Variants in IL10RB observed in about 807,000 individuals in gnomAD.
IL10RB encodes the protein interleukin 10 receptor subunit beta.
IL10RB carries 30 observed loss-of-function variants against 38.7 expected under a neutral mutation model. The ratio of observed to expected loss-of-function variants is 0.78; its 90% CI spans 0.58 to 1.05. The LOEUF (loss-of-function observed/expected upper bound fraction) is 1.05, where lower values mean the gene tolerates loss of function less well. IL10RB is among the 50% of genes least tolerant of loss of function. The probability of loss-of-function intolerance (pLI) is 0.00; values close to 1 mark genes in which losing one functional copy is unlikely to be tolerated. For missense variants in IL10RB, 328 were observed against 397.1 expected (o/e 0.83, Z 1.48); for synonymous variants, 142 against 145.9 (o/e 0.97, Z 0.19).
chr21:33,302,030 G>A (rs2082987214), downstream of IL10RB, among the ~76,000 whole-genome samples: 1 of 152,192 alleles, frequency 6.6e-6, no homozygotes, highest in African/African-American at 2.4e-5. Flanking sequence ...GATTCCATAG[G>A]ATTGTAATTC....
chr21:33,307,160 G>T (rs929050234), intron 1 of IL10RB, among the ~76,000 whole-genome samples: 1 of 152,094 alleles, frequency 6.6e-6, no homozygotes, highest in Non-Finnish European at 1.5e-5. Flanking sequence ...GGAGACAAAC[G>T]TGACTGCATC....
chr21:33,301,240 ACT>A (rs1213985812), downstream of IL10RB, among the ~76,000 whole-genome samples: 1 of 152,146 alleles, frequency 6.6e-6, no homozygotes, highest in Non-Finnish European at 1.5e-5. Context: ...AGACTCAGAG[ACT>A]CAACATGATT....
rs556351777 is a variant in IL10RB at position 33,297,157 on chromosome 21, T to G, written c.*800T>G. On this transcript the variant is annotated 3_prime_UTR_variant, in exon 7 of 7. Coordinates refer to ENST00000290200, the MANE Select transcript of IL10RB (RefSeq NM_000628.5). Reference sequence around the variant, plus strand: ...CTTTGCAGTACTTTGAATTTATTTTTCTACCTATATATGTTTTATATGCTG... The same window carrying G: ...CTTTGCAGTACTTTGAATTTATTTTGCTACCTATATATGTTTTATATGCTG... The G allele has an allele frequency of 1.3e-5, 2 of 154,656 alleles. No homozygotes were observed. The highest frequency in any genetic ancestry group is 3.7e-4 in the East Asian group (2 of 5,346). The allele number at this position is 154,656 out of a possible 1,614,324, so 9.6% of individuals were successfully genotyped here.
At chr21:33,273,243 C>T (rs1254335646) in intron 2 of IL10RB, among the ~76,000 whole-genome samples, 1 of 152,146 alleles carries the variant, frequency 6.6e-6, no homozygotes, top group East Asian at 1.9e-4. Context: ...TGTATACAGG[C>T]ATATCACAGA....
downstream of IL10RB, among the ~76,000 whole-genome samples, chr21:33,299,081 C>T (rs180860595): frequency 3.3e-4 from 50 of 152,264 alleles, no homozygotes; most frequent in African/African-American, 1.1e-3. Context: ...TAAAACCAAC[C>T]GTATCTTGCC....
At chr21:33,286,671 TG>T (rs962936341) in intron 5 of IL10RB, among the ~76,000 whole-genome samples, 2 of 126,298 alleles carry the variant, frequency 1.6e-5, no homozygotes, top group Non-Finnish European at 3.7e-5. Context: ...GCCAAAATAG[TG>T]GGACCCCCAT....
chr21:33,294,874 G>T (rs902262919), intron 6 of IL10RB, among the ~76,000 whole-genome samples: 2 of 152,246 alleles, frequency 1.3e-5, no homozygotes, highest in Non-Finnish European at 2.9e-5. Context: ...GAAATGTATA[G>T]GGGCATCTTC....
chr21:33,281,317 C>T (rs569661619), intron 4 of IL10RB, among the ~76,000 whole-genome samples: 50 of 152,330 alleles, frequency 3.3e-4, no homozygotes, highest in African/African-American at 1.1e-3. Context: ...TGCTCCCCTC[C>T]GGGAGCTAGC....
chr21:33,277,668 CT>C (rs1216043179), intron 3 of IL10RB, among the ~76,000 whole-genome samples: 1,038 of 92,980 alleles, frequency 0.011, 5 homozygotes, highest in African/African-American at 0.037. Context: ...TTCTTTCTTT[CT>C]TTTTTTTTTT....
At chr21:33,298,153 G>A (rs2082975325), downstream of IL10RB, among the ~76,000 whole-genome samples, 1 of 152,098 alleles carries the variant, frequency 6.6e-6, no homozygotes, top group South Asian at 2.1e-4. Flanking sequence ...AAAAATCTAT[G>A]GATTTAAATG....
chr21:33,294,713 A>T (rs1989556818), intron 6 of IL10RB, among the ~76,000 whole-genome samples: 2 of 152,212 alleles, frequency 1.3e-5, no homozygotes, highest in African/African-American at 4.8e-5. Context: ...GGCTGAGTGT[A>T]GAAATGACAT....
chr21:33,272,734 C>T (rs1416960444), intron 2 of IL10RB, among the ~76,000 whole-genome samples: 2 of 152,256 alleles, frequency 1.3e-5, no homozygotes, highest in African/African-American at 4.8e-5. Context: ...GCGTGAGCCA[C>T]TGAGCCGGGC....
At chr21:33,290,411 C>G (rs1293158375) in intron 6 of IL10RB, among the ~76,000 whole-genome samples, 5 of 152,150 alleles carry the variant, frequency 3.3e-5, no homozygotes, top group Admixed American at 6.6e-5. Flanking sequence ...AATCCGAAAG[C>G]CATGTGAAAA....
intron 1 of IL10RB, among the ~76,000 whole-genome samples, chr21:33,305,362 G>A (rs893198677): frequency 3.9e-5 from 6 of 151,906 alleles, no homozygotes; most frequent in Non-Finnish European, 5.9e-5. Flanking sequence ...CTCCCATCTC[G>A]GCCTCTCAAA....
rs1373354533 is a variant in IL10RB, at chr21:33,279,896, G to A, written c.476G>A (p.Trp159Ter). 1 of 1,613,854 alleles carries A rather than the reference G, an allele frequency of 6.2e-7. No individual in the cohort carries two copies. Among genetic ancestry groups the A allele is most frequent in the Non-Finnish European group, 8.5e-7 (1 of 1,179,786 alleles). The change falls in exon 4 of 7, where the codon TGG becomes TAG. Residue 159 changes from tryptophan (W) to a stop codon, truncating the protein, a stop_gained. Transcript: ENST00000290200. LOFTEE classifies it high-confidence loss of function. ...YNSWTYNVQY[W>*]KNGTDEKFQI... ...TCATGGACTTATAATGTGCAATACTGGAAAAACGGTACTGATGAAAAGGTA... is the reference window on the plus strand; with the variant it reads ...TCATGGACTTATAATGTGCAATACTAGAAAAACGGTACTGATGAAAAGGTA...
Position 33,268,467 on chromosome 21 carries a change from G to A in IL10RB, c.123G>A (p.Glu41=), listed in dbSNP as rs140495014. Residue 41 remains glutamate (E), a synonymous_variant, in exon 2 of 7, where the codon GAG becomes GAA. Coordinates refer to ENST00000290200, the MANE Select transcript of IL10RB (RefSeq NM_000628.5). ...SVNFKNILQW[E]SPAFAKGNLT... is the part of the protein sequence containing the mutation. Reference sequence around the variant, plus strand: ...ATTTCAAGAACATTCTACAGTGGGAGTCACCTGCTTTTGCCAAAGGGAACC... The same window carrying A: ...ATTTCAAGAACATTCTACAGTGGGAATCACCTGCTTTTGCCAAAGGGAACC... 242 of 1,614,086 alleles carry A rather than the reference G, an allele frequency of 1.5e-4. No homozygotes were observed. Among genetic ancestry groups the A allele is most frequent in the Non-Finnish European group, 1.9e-4 (230 of 1,180,000 alleles).
chr21:33,272,824 G>A (rs543561487), intron 2 of IL10RB, among the ~76,000 whole-genome samples: 2 of 152,322 alleles, frequency 1.3e-5, no homozygotes, highest in South Asian at 2.1e-4. Flanking sequence ...TGGCTGTTGC[G>A]AGCTTAGATT....
intron 1 of IL10RB, among the ~76,000 whole-genome samples, chr21:33,306,989 C>T (rs954165559): frequency 2.0e-5 from 3 of 152,122 alleles, no homozygotes; most frequent in Non-Finnish European, 4.4e-5. Flanking sequence ...CATGTCATTC[C>T]TCTGCTAAAA....
chr21:33,280,423 T>G (rs907638990), intron 4 of IL10RB, among the ~76,000 whole-genome samples: 3 of 152,178 alleles, frequency 2.0e-5, no homozygotes, highest in African/African-American at 7.2e-5. Flanking sequence ...GACCCCAGCC[T>G]CCTCAAGTCT....
Sources: gnomAD v4.1 joint callset for allele counts (sites outside exome capture counted in the v4.1 genomes callset) on GRCh38, gnomAD v4.1.1 for gene constraint, MANE v1.5 for transcripts, NCBI Gene and HGNC (gene_info 2026-07-23, HGNC 2026-07-21) for gene names.